Variants in STAG1 observed in about 807,000 individuals in gnomAD.
STAG1 encodes STAG1 cohesin complex component, also known as cohesin subunit SA-1.
STAG1 carries 26 observed loss-of-function variants against 170.9 expected under a neutral mutation model. The observed-to-expected ratio is 0.15, with a 90% CI of 0.11 to 0.21. The LOEUF (loss-of-function observed/expected upper bound fraction) is 0.21. Among genes scored for constraint, STAG1 ranks in the 10% least tolerant of loss-of-function variants. STAG1 has a pLI of 1.00. For missense variants in STAG1, 964 were observed against 1,509.5 expected (o/e 0.64, Z 5.99); for synonymous variants, 514 against 497.7 (o/e 1.03, Z -0.44).
chr3:136,655,945 A>G (rs1214182925), intron 1 of STAG1, among the ~76,000 whole-genome samples: 1 of 152,168 alleles, frequency 6.6e-6, no homozygotes, highest in East Asian at 1.9e-4. Context: ...AAGAACTGAA[A>G]ATGAGGTCTT....
At chr3:136,668,156 C>G (rs1030096113) in intron 1 of STAG1, among the ~76,000 whole-genome samples, 5 of 151,430 alleles carry the variant, frequency 3.3e-5, no homozygotes, top group African/African-American at 1.2e-4. Context: ...TTGCTTGAAC[C>G]CAGAATATGG....
chr3:136,459,205 A>G (rs1414652633), intron 13 of STAG1, among the ~76,000 whole-genome samples: 1 of 150,342 alleles, frequency 6.7e-6, no homozygotes, highest in African/African-American at 2.4e-5. Context: ...CGACAGAGCG[A>G]GACTCTGTCT....
At chr3:136,703,720 T>G (rs190464456) in intron 1 of STAG1, among the ~76,000 whole-genome samples, 1 of 151,926 alleles carries the variant, frequency 6.6e-6, no homozygotes, top group African/African-American at 2.4e-5. Context: ...TTAAAAAACG[T>G]AGACTGGGGC....
chr3:136,668,146 T>C (rs1341466859), intron 1 of STAG1, among the ~76,000 whole-genome samples: 2 of 151,674 alleles, frequency 1.3e-5, no homozygotes, highest in East Asian at 3.9e-4. Context: ...AGCACAAGAA[T>C]TGCTTGAACC....
chr3:136,616,985 A>G (rs2107823818), intron 3 of STAG1, among the ~76,000 whole-genome samples: 1 of 152,372 alleles, frequency 6.6e-6, no homozygotes, highest in Non-Finnish European at 1.5e-5. Flanking sequence ...GTGAAAGGCA[A>G]TAATATATGT....
chr3:136,627,778 G>A (rs1940171462), intron 2 of STAG1, among the ~76,000 whole-genome samples: 1 of 152,184 alleles, frequency 6.6e-6, no homozygotes. Context: ...GAGCATGGAA[G>A]AGTAAGATCA....
At chr3:136,580,046 C>A (rs780684251) in intron 4 of STAG1, among the ~76,000 whole-genome samples, 11 of 139,366 alleles carry the variant, frequency 7.9e-5, no homozygotes, top group Admixed American at 1.6e-4. Context: ...CGGCTCACTG[C>A]AACCTCCACC....
At chr3:136,402,700 A>G (rs1040113210) in intron 21 of STAG1, among the ~76,000 whole-genome samples, 4 of 151,632 alleles carry the variant, frequency 2.6e-5, no homozygotes, top group African/African-American at 9.7e-5. Flanking sequence ...GTGTGGTGGC[A>G]CATGCCTGTC....
intron 15 of STAG1, among the ~76,000 whole-genome samples, chr3:136,441,867 G>C (rs559686781): frequency 1.6e-4 from 24 of 152,258 alleles, no homozygotes; most frequent in African/African-American, 5.5e-4. Flanking sequence ...GAGGACATAA[G>C]TAAAAAGAGA....
intron 21 of STAG1, among the ~76,000 whole-genome samples, chr3:136,405,310 C>T (rs570336583): frequency 3.7e-5 from 5 of 133,562 alleles, no homozygotes; most frequent in South Asian, 2.6e-4. Flanking sequence ...GGCATGATCT[C>T]GGCTCACTGC....
chr3:136,537,703 C>T (rs1935705992), intron 6 of STAG1, among the ~76,000 whole-genome samples: 1 of 151,876 alleles, frequency 6.6e-6, no homozygotes. Context: ...ACCATGTTGG[C>T]CAGGCTGGTC....
At chr3:136,393,174 C>T (rs1206750396) in intron 22 of STAG1, among the ~76,000 whole-genome samples, 1 of 152,044 alleles carries the variant, frequency 6.6e-6, no homozygotes, top group African/African-American at 2.4e-5. Context: ...ACCAACATTA[C>T]AAATATTAAA....
chr3:136,528,948 C>T (rs9828088), intron 6 of STAG1, among the ~76,000 whole-genome samples: 28,261 of 150,540 alleles, frequency 0.19, 3,031 homozygotes, highest in Non-Finnish European at 0.24. Context: ...AAAAACAAAA[C>T]AAAACAAAAA....
chr3:136,366,339 T>A (rs1025407982), intron 25 of STAG1, among the ~76,000 whole-genome samples: 2 of 152,242 alleles, frequency 1.3e-5, no homozygotes, highest in Non-Finnish European at 2.9e-5. Context: ...CAGTCATTCA[T>A]TATCAGTATG....
At chr3:136,613,139 T>C (rs908538234) in intron 3 of STAG1, among the ~76,000 whole-genome samples, 3 of 151,436 alleles carry the variant, frequency 2.0e-5, no homozygotes, top group Admixed American at 6.6e-5. Context: ...TGTCCCTTAC[T>C]AAAAATACAA....
intron 3 of STAG1, among the ~76,000 whole-genome samples, chr3:136,622,074 G>T (rs1939882563): frequency 6.9e-6 from 1 of 145,882 alleles, no homozygotes; most frequent in African/African-American, 2.5e-5. Flanking sequence ...GAGGCGGGTG[G>T]ATCACCTGAT....
intron 4 of STAG1, among the ~76,000 whole-genome samples, chr3:136,579,532 T>C (rs367647656): frequency 1.3e-5 from 2 of 152,238 alleles, no homozygotes; most frequent in African/African-American, 4.8e-5. Flanking sequence ...ACTGAAGCCC[T>C]TGACGTCCTG....
intron 9 of STAG1, among the ~76,000 whole-genome samples, chr3:136,479,815 T>C (rs2089872127): frequency 2.8e-4 from 2 of 7,236 alleles, no homozygotes; most frequent in Non-Finnish European, 6.2e-4. Context: ...GATTTGCATT[T>C]CTCTGATGGC....
rs111776997 is a variant in STAG1 at position 136,609,788 on chromosome 3, A to C, written c.133-5315T>G. ...CTTTTTGTTTTTAAGAGGTGAAATC[A>C]TTCACTGGTTATCTTTTGGTACAAC... On this transcript the variant is annotated intron_variant, in intron 3 of 33. Transcript: ENST00000383202. Among the ~76,000 whole-genome samples the C allele has an allele frequency of 1.8e-4, 28 of 152,300 alleles. 1 individual carries two copies. Among genetic ancestry groups the C allele is most frequent in the African/African-American group, 6.5e-4 (27 of 41,588 alleles).
Sources: gnomAD v4.1 joint callset for allele counts (sites outside exome capture counted in the v4.1 genomes callset) on GRCh38, gnomAD v4.1.1 for gene constraint, MANE v1.5 for transcripts, NCBI Gene and HGNC (gene_info 2026-07-23, HGNC 2026-07-21) for gene names.